Variants in FIGNL2 observed in about 807,000 individuals in gnomAD.
The protein encoded by FIGNL2 is fidgetin-like protein 2.
For synonymous variants in FIGNL2, 565 were observed against 484.0 expected, an observed-to-expected ratio of 1.17 and a Z score of -2.20; for missense variants, 1,060 against 950.2, an observed-to-expected ratio of 1.12 and a Z score of -1.52.
intron 1 of FIGNL2, among the ~76,000 whole-genome samples, chr12:51,834,789 G>T (rs1054402302): frequency 6.6e-6 from 1 of 152,164 alleles, no homozygotes; most frequent in Non-Finnish European, 1.5e-5. Flanking sequence ...CCAGGCCAGG[G>T]GCCCAGCACC....
chr12:51,842,587 C>T lies in FIGNL2; in HGVS notation c.-12+5953G>A, dbSNP rs1291625821. Reference sequence around the variant, plus strand: ...GCATCCAAGGGTCAAATAGGGCACTCGGCTGCAGGTGGACCCTCCCCAAGC... The same window carrying T: ...GCATCCAAGGGTCAAATAGGGCACTTGGCTGCAGGTGGACCCTCCCCAAGC... On this transcript the variant is annotated intron_variant, in intron 1 of 1. Coordinates refer to ENST00000618634, the MANE Select transcript of FIGNL2 (RefSeq NM_001384995.1). 3.9e-5 allele frequency among the ~76,000 whole-genome samples: 6 copies of T among 152,306 alleles called. No homozygotes were observed. In the South Asian group the frequency reaches 1.0e-3, roughly 26 times the overall value.
chr12:51,846,970 C>G, intron 1 of FIGNL2: 2 of 982,220 alleles, frequency 2.0e-6, no homozygotes, highest in Non-Finnish European at 2.4e-6. Context: ...CCGTCCAGCC[C>G]AGCCACCCCA....
At chr12:51,839,323 A>G (rs1939625338) in intron 1 of FIGNL2, among the ~76,000 whole-genome samples, 1 of 152,094 alleles carries the variant, frequency 6.6e-6, no homozygotes, top group Non-Finnish European at 1.5e-5. Context: ...CCATCTCTTC[A>G]GCTAGGCTGG....
At position 51,821,568 on chromosome 12, in the gene FIGNL2, C is replaced by T. The variant is rs1272569327; in HGVS notation, c.846G>A (p.Ala282=). The change falls in exon 2 of 2, where the codon GCG becomes GCA. Residue 282 remains alanine, a synonymous_variant. Transcript: ENST00000618634. ...CCACGGGGGCCTTGGCGGGCTCGTACGCGTACTTGCGGTAGCGGCCCTCGG... is the reference window on the plus strand; with the variant it reads ...CCACGGGGGCCTTGGCGGGCTCGTATGCGTACTTGCGGTAGCGGCCCTCGG... ...EGPEGRYRKY[A]YEPAKAPVAD... 2.6e-6 allele frequency: 4 copies of T among 1,537,088 alleles called. No individual in the cohort carries two copies. Among genetic ancestry groups the T allele is most frequent in the Non-Finnish European group, 3.5e-6 (4 of 1,149,946 alleles).
At chr12:51,846,551 CCA>C (rs775713178) in intron 1 of FIGNL2, among the ~76,000 whole-genome samples, 1 of 152,172 alleles carries the variant, frequency 6.6e-6, no homozygotes, top group Non-Finnish European at 1.5e-5. Flanking sequence ...CTCTGCGACG[CCA>C]CACTCAGTCT....
At chr12:51,842,596 G>A (rs1385362345) in intron 1 of FIGNL2, among the ~76,000 whole-genome samples, 1 of 152,080 alleles carries the variant, frequency 6.6e-6, no homozygotes, top group Non-Finnish European at 1.5e-5. Context: ...TCGGCTGCAG[G>A]TGGACCCTCC....
chr12:51,818,703 A>G lies in FIGNL2; in HGVS notation c.*1749T>C, dbSNP rs143546385. 3.2e-3 allele frequency: 480 copies of G among 152,256 alleles called. 3 individuals carry two copies. The highest frequency in any genetic ancestry group is 5.7e-3 in the Non-Finnish European group (387 of 68,270). 9.4% of individuals were successfully genotyped at this position (152,256 alleles called of 1,614,324 possible). Reference sequence around the variant, plus strand: ...AGGCAAGGAACTGCACAGGAGGCTGAGATGGGAGAGAGAAAAAGTGGTGGT... The same window carrying G: ...AGGCAAGGAACTGCACAGGAGGCTGGGATGGGAGAGAGAAAAAGTGGTGGT... On this transcript the variant is annotated 3_prime_UTR_variant, in exon 2 of 2. Transcript: ENST00000618634.
chr12:51,832,694 CCAT>C (rs1939495806), intron 1 of FIGNL2, among the ~76,000 whole-genome samples: 1 of 152,164 alleles, frequency 6.6e-6, no homozygotes, highest in South Asian at 2.1e-4. Flanking sequence ...CTAGCTTTGA[CCAT>C]CACCTGTGTA....
At chr12:51,846,660 G>C (rs1419942487) in intron 1 of FIGNL2, among the ~76,000 whole-genome samples, 2 of 151,888 alleles carry the variant, frequency 1.3e-5, no homozygotes, top group African/African-American at 2.4e-5. Flanking sequence ...CAGAGAATCG[G>C]GCAGGGCCTC....
Position 51,821,269 on chromosome 12 carries a change from A to T in FIGNL2, c.1145T>A (p.Met382Lys). 6.6e-7 allele frequency: 1 copy of T among 1,524,976 alleles called. No homozygotes were observed. 94.5% of individuals were successfully genotyped at this position (1,524,976 alleles called of 1,614,324 possible). ...CTGCACCGGGGGCCCGCAGTCCACC[A>T]TCTTGCTCGTCACCAGCTCCAGGGC... ...PGALELVTSK[M>K]VDCGPPVQWA... The change falls in exon 2 of 2, where the codon ATG becomes AAG. Residue 382 changes from methionine to lysine, a missense_variant. Physicochemically the swap from Met to Lys is moderately conservative, Grantham distance 95. Coordinates refer to ENST00000618634, the MANE Select transcript of FIGNL2 (RefSeq NM_001384995.1).
In FIGNL2 at chr12:51,820,765, G is replaced by A. The variant is rs1939157838; in HGVS notation, c.1649C>T (p.Ser550Phe). 9.4e-6 allele frequency: 14 copies of A among 1,485,924 alleles called. No individual in the cohort carries two copies. The highest frequency in any genetic ancestry group is 1.2e-5 in the Non-Finnish European group (14 of 1,126,998). 92.0% of individuals were successfully genotyped at this position (1,485,924 alleles called of 1,614,324 possible). A position where few individuals can be genotyped will look rare whatever the true frequency, so the allele number is the denominator to read the frequency against. ...GGGCAGCGCCACGTAGAAGCGGAGAGAGAAGCGCCGGCGGGTCGCCTCGTC... is the reference window on the plus strand; with the variant it reads ...GGGCAGCGCCACGTAGAAGCGGAGAAAGAAGCGCCGGCGGGTCGCCTCGTC... ...ALDEATRRRF[S>F]LRFYVALPDS... The change falls in exon 2 of 2, where the codon TCT becomes TTT. Residue 550 changes from serine (S) to phenylalanine (F), a missense_variant. Physicochemically the swap from Ser to Phe is radical, Grantham distance 155. Coordinates refer to ENST00000618634, the MANE Select transcript of FIGNL2 (RefSeq NM_001384995.1).
At chr12:51,846,581 C>T (rs1016769793) in intron 1 of FIGNL2, among the ~76,000 whole-genome samples, 11 of 152,188 alleles carry the variant, frequency 7.2e-5, no homozygotes, top group African/African-American at 2.7e-4. Context: ...TCTCCCCAGC[C>T]TTCGCCCAGG....
Position 51,818,951 on chromosome 12 carries a change from C to A in FIGNL2, c.*1501G>T, listed in dbSNP as rs1409708790. 6.6e-6 allele frequency: 1 copy of A among 152,404 alleles called. No homozygotes were observed. Among genetic ancestry groups the A allele is most frequent in the Non-Finnish European group, 1.5e-5 (1 of 68,216 alleles). 9.4% of individuals were successfully genotyped at this position (152,404 alleles called of 1,614,324 possible). A position where few individuals can be genotyped will look rare whatever the true frequency, so the allele number is the denominator to read the frequency against. On this transcript the variant is annotated 3_prime_UTR_variant, in exon 2 of 2. Transcript: ENST00000618634. Reference sequence around the variant, plus strand: ...GCCCATCTCCCTCACCCTCTCCCAGCCCTGGAGCTCCAGACCTAGGACTCC... The same window carrying A: ...GCCCATCTCCCTCACCCTCTCCCAGACCTGGAGCTCCAGACCTAGGACTCC...
At chr12:51,834,752 G>A (rs1939553035) in intron 1 of FIGNL2, among the ~76,000 whole-genome samples, 1 of 152,210 alleles carries the variant, frequency 6.6e-6, no homozygotes, top group African/African-American at 2.4e-5. Flanking sequence ...CAGCCAAGCT[G>A]TGACCATCTG....
In FIGNL2 at chr12:51,835,282, C is replaced by G. The variant is rs144916301; in HGVS notation, c.-11-12858G>C. On this transcript the variant is annotated intron_variant, in intron 1 of 1. Coordinates refer to ENST00000618634, the MANE Select transcript of FIGNL2 (RefSeq NM_001384995.1). Reference sequence around the variant, plus strand: ...CTTCTTTCCCACTGTGACTGCCATGCTCTCCTTGCATGTTTATCTCCTCTG... The same window carrying G: ...CTTCTTTCCCACTGTGACTGCCATGGTCTCCTTGCATGTTTATCTCCTCTG... 8.0e-3 allele frequency: 1,219 copies of G among 152,274 alleles called. 12 individuals carry two copies. The highest frequency in any genetic ancestry group is 0.036 in the Admixed American group (556 of 15,286). The allele number at this position is 152,274 out of a possible 1,614,324, so 9.4% of individuals were successfully genotyped here.
At chr12:51,844,692 G>C (rs1251033549) in intron 1 of FIGNL2, 1 of 985,188 alleles carries the variant, frequency 1.0e-6, no homozygotes, top group Non-Finnish European at 1.2e-6. Context: ...AAACTGCTCG[G>C]AGAAGAGCAA....
rs1193439553 is a variant in FIGNL2, at chr12:51,821,336, C to G, written c.1078G>C (p.Ala360Pro). 2 of 1,500,598 alleles carry G rather than the reference C, an allele frequency of 1.3e-6. No homozygotes were observed. Among genetic ancestry groups the G allele is most frequent in the East Asian group, 2.7e-5 (1 of 37,274 alleles). The allele number at this position is 1,500,598 out of a possible 1,614,324, so 93.0% of individuals were successfully genotyped here. A position where few individuals can be genotyped will look rare whatever the true frequency, so the allele number is the denominator to read the frequency against. Residue 360 changes from alanine to proline, a missense_variant, in exon 2 of 2, where the codon GCC becomes CCC. Physicochemically the swap from Ala to Pro is conservative, Grantham distance 27. Transcript: ENST00000618634. ...TTGGGAGTCTCCCCCGACGGCACGG[C>G]GAACCCCCCACGAGGAGCCGGGGCC... ...ERAPAPRGGF[A>P]VPSGETPKGV...
In FIGNL2 at chr12:51,821,536, C is replaced by T; in HGVS notation, c.878G>A (p.Gly293Glu). Residue 293 changes from glycine to glutamate, a missense_variant, in exon 2 of 2, where the codon GGA (glycine) becomes GAA (glutamate). Gly to Glu is a moderately conservative substitution (Grantham distance 98). Transcript: ENST00000618634. ...YEPAKAPVAD[G>E]ASYPAADNGE... ...GTTGTCCGCGGCGGGGTAGGAGGCT[C>T]CGTCAGCCACGGGGGCCTTGGCGGG... 2 of 1,561,704 alleles carry T rather than the reference C, an allele frequency of 1.3e-6. No homozygotes were observed.
chr12:51,842,556 T>G (rs950739638), intron 1 of FIGNL2, among the ~76,000 whole-genome samples: 4 of 152,028 alleles, frequency 2.6e-5, no homozygotes, highest in African/African-American at 9.7e-5. Context: ...ACCTCCAGAT[T>G]CTTAAGCATC....
Sources: allele counts gnomAD v4.1 joint callset (sites outside exome capture counted in the v4.1 genomes callset), GRCh38; gene constraint gnomAD v4.1.1; transcripts MANE v1.5; gene names NCBI Gene and HGNC (gene_info 2026-07-23, HGNC 2026-07-21).